Variants in FAF1 observed in about 807,000 individuals in gnomAD.
FAF1 encodes Fas associated factor 1.
In FAF1, 25 loss-of-function variants were observed where a neutral mutation model predicts 92.5. The observed-to-expected ratio is 0.27, with a 90% CI of 0.20 to 0.38. The LOEUF (loss-of-function observed/expected upper bound fraction) is 0.38, where lower values mean the gene tolerates loss of function less well. Ranked by LOEUF, FAF1 falls within the 10% of genes least tolerant of loss-of-function variation. The pLI, the probability that FAF1 is intolerant of heterozygous loss-of-function variation, is 1.00. For synonymous variants in FAF1, 234 were observed against 273.2 expected (o/e 0.86, Z 1.42); for missense variants, 636 against 793.3 (o/e 0.80, Z 2.38).
At chr1:50,527,331 G>A (rs1470573388) in intron 15 of FAF1, among the ~76,000 whole-genome samples, 1 of 152,052 alleles carries the variant, frequency 6.6e-6, no homozygotes, top group African/African-American at 2.4e-5. Context: ...GTTGTTGCTG[G>A]GATAATTTGT....
intron 4 of FAF1, among the ~76,000 whole-genome samples, chr1:50,748,004 G>A (rs140222545): frequency 3.2e-3 from 485 of 152,258 alleles, no homozygotes; most frequent in African/African-American, 0.012. Context: ...CTGCAGAACT[G>A]CGAACCAATT....
chr1:50,743,988 T>C (rs1001814592), intron 5 of FAF1, among the ~76,000 whole-genome samples: 6 of 152,028 alleles, frequency 3.9e-5, no homozygotes, highest in African/African-American at 1.4e-4. Flanking sequence ...GGAGAATTGC[T>C]TGAATCCAGG....
intron 17 of FAF1, among the ~76,000 whole-genome samples, chr1:50,478,620 T>TAAAGAA (rs1484635821): frequency 1.3e-5 from 2 of 152,262 alleles, no homozygotes; most frequent in African/African-American, 2.4e-5. Flanking sequence ...TCAGTTTATA[T>TAAAGAA]CCACTAATTT....
chr1:50,539,626 C>A lies in FAF1; in HGVS notation c.1371G>T (p.Lys457Asn), dbSNP rs200154325. Residue 457 changes from lysine to asparagine, a missense_variant, in exon 14 of 19, where the codon AAG (lysine) becomes AAT (asparagine). Coordinates refer to ENST00000396153, the MANE Select transcript of FAF1 (RefSeq NM_007051.3). ...CATTCAACACTTCATTAGATGATCGCTTTCCCATAATAATCAGGAAAAGCG... is the reference window on the plus strand; with the variant it reads ...CATTCAACACTTCATTAGATGATCGATTTCCCATAATAATCAGGAAAAGCG... ...QFPLFLIIMG[K>N]RSSNEVLNVI... 1 of 1,613,042 alleles carries A rather than the reference C, an allele frequency of 6.2e-7. No homozygotes were observed. The highest frequency in any genetic ancestry group is 1.1e-5 in the South Asian group (1 of 90,976).
intron 4 of FAF1, among the ~76,000 whole-genome samples, chr1:50,787,219 G>A (rs1274721765): frequency 6.6e-6 from 1 of 152,108 alleles, no homozygotes; most frequent in Non-Finnish European, 1.5e-5. Context: ...TTTTCAACTG[G>A]CAGAGAGAAA....
intron 1 of FAF1, among the ~76,000 whole-genome samples, chr1:50,895,855 T>TA (rs575689497): frequency 0.01 from 1,519 of 150,582 alleles, 22 homozygotes; most frequent in African/African-American, 0.035. Flanking sequence ...TTCATGATTT[T>TA]AAAAAAAAAG....
At chr1:50,622,498 G>A (rs1420507446) in intron 8 of FAF1, among the ~76,000 whole-genome samples, 2 of 152,084 alleles carry the variant, frequency 1.3e-5, no homozygotes, top group Admixed American at 1.3e-4. Context: ...GCACTTCCAG[G>A]CCGCATTTAG....
At chr1:50,594,887 A>AG in intron 9 of FAF1, among the ~76,000 whole-genome samples, 2 of 130,840 alleles carry the variant, frequency 1.5e-5, no homozygotes, top group Middle Eastern at 4.9e-3. Flanking sequence ...AAAAAAAAAA[A>AG]TTATATATAT....
chr1:50,520,775 G>A (rs978939776), intron 15 of FAF1, among the ~76,000 whole-genome samples: 1 of 152,178 alleles, frequency 6.6e-6, no homozygotes, highest in African/African-American at 2.4e-5. Context: ...AGCCTGGGAG[G>A]TCGAGGCTGC....
In FAF1 at chr1:50,510,903, A is replaced by C. The variant is rs528399273; in HGVS notation, c.1495-19102T>G. Among the ~76,000 whole-genome samples, 3 of 152,288 alleles carry C rather than the reference A, an allele frequency of 2.0e-5. No homozygotes were observed. The South Asian group carries it at 6.2e-4, about 32-fold the overall frequency. ...TTGTTATTAGTCTATTTTTTAACTC[A>C]GTGTCAAGTACATAGGTGTTTACTT... On this transcript the variant is annotated intron_variant, in intron 15 of 18. Coordinates refer to ENST00000396153, the MANE Select transcript of FAF1 (RefSeq NM_007051.3).
intron 7 of FAF1, among the ~76,000 whole-genome samples, chr1:50,692,470 C>T (rs1224803904): frequency 2.0e-5 from 3 of 152,074 alleles, no homozygotes; most frequent in Admixed American, 2.0e-4. Context: ...ACCCCACCAC[C>T]AGCCTCTGGT....
chr1:50,643,641 A>G (rs562030102), intron 8 of FAF1, among the ~76,000 whole-genome samples: 138 of 152,280 alleles, frequency 9.1e-4, no homozygotes, highest in African/African-American at 3.3e-3. Context: ...CACCCAGGCT[A>G]GAGTGCAGTG....
intron 15 of FAF1, among the ~76,000 whole-genome samples, chr1:50,522,578 C>G (rs1647559423): frequency 6.6e-6 from 1 of 152,138 alleles, no homozygotes; most frequent in African/African-American, 2.4e-5. Flanking sequence ...ACAAACTGCT[C>G]AGGATTAAAG....
intron 2 of FAF1, among the ~76,000 whole-genome samples, chr1:50,845,478 GCTGCTCCTGCAAATTGCCCAC>G (rs990467722): frequency 6.6e-6 from 1 of 152,122 alleles, no homozygotes; most frequent in African/African-American, 2.4e-5. Context: ...GCACCAGGCT[GCTGCTCCTGCAAATTGCCCAC>G]CACCATGTAC....
intron 8 of FAF1, among the ~76,000 whole-genome samples, chr1:50,642,903 C>A (rs1183571942): frequency 6.6e-6 from 1 of 151,940 alleles, no homozygotes; most frequent in African/African-American, 2.4e-5. Flanking sequence ...TTCAATGGCA[C>A]GATCTTGGCT....
intron 2 of FAF1, among the ~76,000 whole-genome samples, chr1:50,822,160 A>T (rs1644049249): frequency 6.6e-6 from 1 of 151,990 alleles, no homozygotes; most frequent in African/African-American, 2.4e-5. Flanking sequence ...GAAAAAAAGA[A>T]ACCAGAATGC....
At chr1:50,573,140 C>T (rs569522940) in intron 12 of FAF1, among the ~76,000 whole-genome samples, 1 of 150,288 alleles carries the variant, frequency 6.7e-6, no homozygotes, top group East Asian at 1.9e-4. Context: ...GAGTGTTGCT[C>T]TGTTGCCCAG....
In FAF1 at chr1:50,440,366, G is replaced by T. The variant is rs553181896; in HGVS notation, c.*1074C>A. 2.6e-5 allele frequency: 4 copies of T among 152,304 alleles called. No individual in the cohort carries two copies. The East Asian group carries it at 7.7e-4, about 29-fold the overall frequency. 9.4% of individuals were successfully genotyped at this position (152,304 alleles called of 1,614,324 possible). Reference sequence around the variant, plus strand: ...TCTTCTGAGTTGAGTCCCCAAGTTTGCTCTCTTCAACATATGAAGTCTGAT... The same window carrying T: ...TCTTCTGAGTTGAGTCCCCAAGTTTTCTCTCTTCAACATATGAAGTCTGAT... On this transcript the variant is annotated 3_prime_UTR_variant, in exon 19 of 19. Transcript: ENST00000396153.
At chr1:50,566,634 A>G (rs1650185761) in intron 13 of FAF1, among the ~76,000 whole-genome samples, 1 of 152,102 alleles carries the variant, frequency 6.6e-6, no homozygotes, top group African/African-American at 2.4e-5. Context: ...ATCAATTAGC[A>G]TATGCTAGAG....
Sources: gnomAD v4.1 joint callset for allele counts (sites outside exome capture counted in the v4.1 genomes callset) on GRCh38, gnomAD v4.1.1 for gene constraint, MANE v1.5 for transcripts, NCBI Gene and HGNC (gene_info 2026-07-23, HGNC 2026-07-21) for gene names.